The following CTNNA2 variants were observed in gnomAD, a reference collection of about 807,000 sequenced individuals.
CTNNA2 encodes the protein catenin alpha 2.
In CTNNA2, 42 loss-of-function variants were observed where a neutral mutation model predicts 101.0. The observed-to-expected ratio is 0.42, with a 90% CI of 0.32 to 0.54. CTNNA2 has a LOEUF of 0.54. Ranked by LOEUF, CTNNA2 falls within the 20% of genes least tolerant of loss-of-function variation. CTNNA2 has a pLI of 0.14. For synonymous variants in CTNNA2, 450 were observed against 456.4 expected (o/e 0.99, Z 0.18); for missense variants, 871 against 1,223.1 (o/e 0.71, Z 4.29).
intron 7 of CTNNA2, among the ~76,000 whole-genome samples, chr2:80,224,967 T>C (rs1708790082): frequency 2.6e-5 from 4 of 152,146 alleles, no homozygotes; most frequent in African/African-American, 9.7e-5. Context: ...ATAAATAGCT[T>C]AAGAAAACTC....
chr2:79,738,942 A>G (rs990841342), intron 2 of CTNNA2, among the ~76,000 whole-genome samples: 1 of 152,192 alleles, frequency 6.6e-6, no homozygotes, highest in African/African-American at 2.4e-5. Flanking sequence ...TACTTTCCAA[A>G]TAATTTATAG....
chr2:80,644,594 G>T (rs1673854748), intron 18 of CTNNA2, among the ~76,000 whole-genome samples: 1 of 152,184 alleles, frequency 6.6e-6, no homozygotes, highest in Non-Finnish European at 1.5e-5. Flanking sequence ...TTGTGATTGT[G>T]CTGATAATGA....
intron 4 of CTNNA2, among the ~76,000 whole-genome samples, chr2:79,436,057 T>C (rs1039428385): frequency 7.2e-5 from 11 of 151,868 alleles, no homozygotes; most frequent in African/African-American, 2.4e-4. Flanking sequence ...ACTTCTGGTT[T>C]GGTCTGGGGC....
At chr2:80,194,680 C>T (rs112806496) in intron 7 of CTNNA2, among the ~76,000 whole-genome samples, 3 of 150,126 alleles carry the variant, frequency 2.0e-5, no homozygotes, top group South Asian at 4.2e-4. Context: ...AGGAGACAGG[C>T]GATTTTTTAT....
intron 15 of CTNNA2, among the ~76,000 whole-genome samples, chr2:80,589,908 G>GCA (rs1696313911): frequency 2.7e-5 from 4 of 150,096 alleles, no homozygotes; most frequent in African/African-American, 9.7e-5. Flanking sequence ...GTGTGTGTGC[G>GCA]CGCGCGCGCA....
chr2:80,444,330 A>G (rs1682879767), intron 9 of CTNNA2, among the ~76,000 whole-genome samples: 1 of 152,218 alleles, frequency 6.6e-6, no homozygotes, highest in Non-Finnish European at 1.5e-5. Context: ...TGCTAGGCAT[A>G]AATATTAGAA....
chr2:79,456,314 C>G (rs1470352561), intron 4 of CTNNA2, among the ~76,000 whole-genome samples: 1 of 151,752 alleles, frequency 6.6e-6, no homozygotes, highest in Non-Finnish European at 1.5e-5. Context: ...GATTCTACAT[C>G]TAGTCCTTTG....
At chr2:80,572,158 A>ATATGATTAATATTATTATGCTTTAATTTG (rs1694656678) in intron 12 of CTNNA2, among the ~76,000 whole-genome samples, 1 of 152,130 alleles carries the variant, frequency 6.6e-6, no homozygotes, top group South Asian at 2.1e-4. Flanking sequence ...TGCATGCTCA[A>ATATGATTAATATTATTATGCTTTAATTTG]TATGATTAAT....
At chr2:79,195,936 TTTTG>T (rs149273901) in intron 1 of CTNNA2, 73,918 of 440,302 alleles carry the variant, frequency 0.17, 7,884 homozygotes, top group African/African-American at 0.38. Context: ...GAACTCAGTT[TTTTG>T]TTTGTTTGTT....
intron 4 of CTNNA2, among the ~76,000 whole-genome samples, chr2:79,481,207 T>C (rs1558677860): frequency 6.6e-6 from 1 of 152,176 alleles, no homozygotes; most frequent in Non-Finnish European, 1.5e-5. Context: ...AAACTTAGAT[T>C]GGCCATACAA....
chr2:80,345,412 C>G (rs1233484105), intron 7 of CTNNA2, among the ~76,000 whole-genome samples: 2 of 152,198 alleles, frequency 1.3e-5, no homozygotes, highest in Non-Finnish European at 2.9e-5. Context: ...GGCACCTCCT[C>G]CATAAGACCT....
intron 7 of CTNNA2, among the ~76,000 whole-genome samples, chr2:80,300,045 C>T (rs1676102995): frequency 2.0e-5 from 3 of 152,076 alleles, no homozygotes; most frequent in Admixed American, 2.0e-4. Context: ...CTGAGAGAAT[C>T]TTTTTCCTGC....
chr2:79,309,961 T>G (rs976871015), intron 2 of CTNNA2, among the ~76,000 whole-genome samples: 3 of 152,218 alleles, frequency 2.0e-5, no homozygotes, highest in African/African-American at 7.2e-5. Context: ...TGCTTTATAC[T>G]TTGCATTTTT....
At chr2:79,383,774 A>G (rs1272335897) in intron 4 of CTNNA2, among the ~76,000 whole-genome samples, 4 of 152,310 alleles carry the variant, frequency 2.6e-5, no homozygotes, top group Non-Finnish European at 5.9e-5. Flanking sequence ...TTTGAAAAGC[A>G]TTTGTTTCCT....
At chr2:79,561,627 G>A (rs1278406478) in intron 1 of CTNNA2, among the ~76,000 whole-genome samples, 4 of 151,686 alleles carry the variant, frequency 2.6e-5, no homozygotes, top group African/African-American at 4.8e-5. Context: ...TATAGCCATG[G>A]TAGTGAGTGT....
rs975567836 is a variant in CTNNA2 at position 79,986,776 on chromosome 2, A to T, written c.1056+76979A>T. ...GGAGATTCTAGGAAGATGAGGTTAG[A>T]TGGATAAGATGGGGTAGGAGTCCCA... On this transcript the variant is annotated intron_variant, in intron 7 of 18. Coordinates refer to ENST00000402739, the MANE Select transcript of CTNNA2 (RefSeq NM_001282597.3). Among the ~76,000 whole-genome samples, 4 of 152,294 alleles carry T rather than the reference A, an allele frequency of 2.6e-5. No homozygotes were observed. In the South Asian group the frequency reaches 8.3e-4, roughly 32 times the overall value.
chr2:80,093,285 G>C (rs1373111380), intron 7 of CTNNA2, among the ~76,000 whole-genome samples: 1 of 152,044 alleles, frequency 6.6e-6, no homozygotes, highest in Non-Finnish European at 1.5e-5. Context: ...ATAGTTTGCT[G>C]AGAATGATGG....
chr2:79,982,117 C>T (rs1691319002), intron 7 of CTNNA2, among the ~76,000 whole-genome samples: 1 of 145,616 alleles, frequency 6.9e-6, no homozygotes, highest in Non-Finnish European at 1.5e-5. Flanking sequence ...CAGTTCACTG[C>T]AGCCGCAAAC....
chr2:80,521,405 C>T lies in CTNNA2; in HGVS notation c.1291-23577C>T, dbSNP rs117150504. On this transcript the variant is annotated intron_variant, in intron 9 of 18. Coordinates refer to ENST00000402739, the MANE Select transcript of CTNNA2 (RefSeq NM_001282597.3). ...TCCCTGATCCCCCCACAGTTGCTCACATCCTAATCCCTGGAACCCATGAAT... is the reference window on the plus strand; with the variant it reads ...TCCCTGATCCCCCCACAGTTGCTCATATCCTAATCCCTGGAACCCATGAAT... Among the ~76,000 whole-genome samples, 249 of 152,318 alleles carry T rather than the reference C, an allele frequency of 1.6e-3. 3 individuals are homozygous for T. The East Asian group carries it at 0.04, about 24-fold the overall frequency.
Sources: gnomAD v4.1 joint callset for allele counts (sites outside exome capture counted in the v4.1 genomes callset) on GRCh38, gnomAD v4.1.1 for gene constraint, MANE v1.5 for transcripts, NCBI Gene and HGNC (gene_info 2026-07-23, HGNC 2026-07-21) for gene names.